The following KCNH8 variants were observed in gnomAD, a reference collection of about 807,000 sequenced individuals.
KCNH8 encodes the protein voltage-gated delayed rectifier potassium channel KCNH8.
Under a neutral mutation model 103.6 loss-of-function variants are expected in KCNH8, and 70 were observed. The observed-to-expected ratio is 0.68, with a 90% CI of 0.56 to 0.82. The LOEUF (loss-of-function observed/expected upper bound fraction) is 0.82. KCNH8 is among the 40% of genes least tolerant of loss of function. KCNH8 has a pLI of 0.00. For missense variants in KCNH8, 1,217 were observed against 1,329.9 expected (o/e 0.92, Z 1.32); for synonymous variants, 498 against 489.4 (o/e 1.02, Z -0.23).
chr3:19,506,265 T>C (rs1187331039), intron 11 of KCNH8, among the ~76,000 whole-genome samples: 1 of 152,186 alleles, frequency 6.6e-6, no homozygotes, highest in Admixed American at 6.5e-5. Flanking sequence ...TTACGCTGGT[T>C]CTTTCTCATC....
At chr3:19,296,256 G>C (rs1350953920) in intron 3 of KCNH8, among the ~76,000 whole-genome samples, 2 of 152,134 alleles carry the variant, frequency 1.3e-5, no homozygotes, top group Admixed American at 1.3e-4. Flanking sequence ...GAGTTCATGA[G>C]AAAAATACCT....
At chr3:19,248,912 A>G (rs567451770) in intron 1 of KCNH8, among the ~76,000 whole-genome samples, 17 of 152,348 alleles carry the variant, frequency 1.1e-4, no homozygotes, top group South Asian at 1.0e-3. Context: ...GGTGTTTACC[A>G]ATCATGAGAT....
intron 11 of KCNH8, among the ~76,000 whole-genome samples, chr3:19,467,685 C>A (rs775619090): frequency 7.2e-5 from 11 of 152,160 alleles, no homozygotes; most frequent in Non-Finnish European, 1.0e-4. Context: ...TTCTCCCTGC[C>A]TCCACTTGTA....
chr3:19,486,173 G>A (rs376765257), intron 11 of KCNH8, among the ~76,000 whole-genome samples: 36 of 152,314 alleles, frequency 2.4e-4, no homozygotes, highest in African/African-American at 8.7e-4. Flanking sequence ...AGATGCCCAT[G>A]GCTGGTCCTG....
rs28508347 is a variant in KCNH8 at position 19,158,163 on chromosome 3, C to T, written c.76+9368C>T. On this transcript the variant is annotated intron_variant, in intron 1 of 15. Coordinates refer to ENST00000328405, the MANE Select transcript of KCNH8 (RefSeq NM_144633.3). ...TAACTTTTACTTTCAAATTCCTATC[C>T]TAAGAGTTTATAGACTTAAGAATTG... Among the ~76,000 whole-genome samples the T allele has an allele frequency of 7.8e-3, 1,179 of 151,386 alleles. 10 individuals carry two copies. Among genetic ancestry groups the T allele is most frequent in the African/African-American group, 0.027 (1,116 of 41,442 alleles).
intron 11 of KCNH8, among the ~76,000 whole-genome samples, chr3:19,504,493 AAAC>A (rs2068652951): frequency 6.6e-6 from 1 of 152,170 alleles, no homozygotes; most frequent in Non-Finnish European, 1.5e-5. Context: ...AGCAAAACAC[AAAC>A]AACTCCACTA....
intron 7 of KCNH8, among the ~76,000 whole-genome samples, chr3:19,436,257 T>C (rs754349199): frequency 3.3e-5 from 5 of 152,184 alleles, no homozygotes; most frequent in Non-Finnish European, 7.4e-5. Flanking sequence ...ATGTTGTGTA[T>C]GTTTTTTCAT....
intron 3 of KCNH8, among the ~76,000 whole-genome samples, chr3:19,298,766 T>C (rs947975159): frequency 2.0e-5 from 3 of 150,854 alleles, no homozygotes; most frequent in Admixed American, 2.0e-4. Context: ...ACTAAAAATA[T>C]AAAAAATTAG....
At chr3:19,365,499 C>G (rs768329787) in intron 5 of KCNH8, among the ~76,000 whole-genome samples, 1 of 151,726 alleles carries the variant, frequency 6.6e-6, no homozygotes, top group Non-Finnish European at 1.5e-5. Flanking sequence ...TTTATATAAC[C>G]GCATCTTAAT....
chr3:19,455,189 G>A (rs560698392), intron 10 of KCNH8, among the ~76,000 whole-genome samples: 1 of 152,210 alleles, frequency 6.6e-6, no homozygotes, highest in Non-Finnish European at 1.5e-5. Flanking sequence ...GTAGGGGCAG[G>A]AATTTGTTAT....
chr3:19,334,825 TC>T (rs2065559938), intron 3 of KCNH8, among the ~76,000 whole-genome samples: 1 of 151,884 alleles, frequency 6.6e-6, no homozygotes, highest in East Asian at 1.9e-4. Context: ...GTTTTTCACT[TC>T]TAAATTTAGT....
rs764062199 is a variant in KCNH8, at chr3:19,342,604, T to C, written c.460T>C (p.Ser154Pro). ...TCCCCCAGACAAAGTCAAAGGAAGA[T>C]CAAGAGCAGGGACCCACTTTGACTC... ...DKKEDKVKGR[S>P]RAGTHFDSAR... The change falls in exon 4 of 16, where the codon TCA becomes CCA. Residue 154 changes from serine (S) to proline (P), a missense_variant. Physicochemically the swap from Ser to Pro is moderately conservative, Grantham distance 74. This residue lies in a region of KCNH8 where 244 missense variants were observed against 256.8 expected (regional missense o/e 0.95). Coordinates refer to ENST00000328405, the MANE Select transcript of KCNH8 (RefSeq NM_144633.3). 6.2e-7 allele frequency: 1 copy of C among 1,610,480 alleles called. No homozygotes were observed. The highest frequency in any genetic ancestry group is 8.5e-7 in the Non-Finnish European group (1 of 1,177,596).
rs374921621 is a variant in KCNH8, at chr3:19,347,946, G to A, written c.792G>A (p.Val264=). Residue 264 remains valine, a synonymous_variant, in exon 5 of 16, where the codon GTG becomes GTA. Coordinates refer to ENST00000328405, the MANE Select transcript of KCNH8 (RefSeq NM_144633.3). ...GCACAACCGTCAGTGACATTGCAGT[G>A]GAGATTCTTTTTATTATAGGTAAGA... ...TRSTTVSDIA[V]EILFIIDIIL... 8.1e-6 allele frequency: 13 copies of A among 1,612,796 alleles called. No individual in the cohort carries two copies. In the African/African-American group the frequency reaches 1.6e-4, roughly 20 times the overall value.
chr3:19,255,248 G>C (rs909930323), intron 2 of KCNH8, among the ~76,000 whole-genome samples: 4 of 152,132 alleles, frequency 2.6e-5, no homozygotes, highest in Admixed American at 2.6e-4. Context: ...TTCCAGAGCT[G>C]TGATAAAATA....
chr3:19,524,923 G>T (rs916788735), intron 15 of KCNH8, among the ~76,000 whole-genome samples: 7 of 151,914 alleles, frequency 4.6e-5, no homozygotes, highest in African/African-American at 1.7e-4. Context: ...GTCAGAAGGG[G>T]CCAGAGTAGA....
At chr3:19,279,049 A>C (rs551958795) in intron 2 of KCNH8, among the ~76,000 whole-genome samples, 11 of 152,268 alleles carry the variant, frequency 7.2e-5, no homozygotes, top group African/African-American at 2.6e-4. Flanking sequence ...GGTAATTGAC[A>C]GAGAGGTGCT....
chr3:19,319,188 C>A (rs1022796784), intron 3 of KCNH8, among the ~76,000 whole-genome samples: 3 of 151,736 alleles, frequency 2.0e-5, no homozygotes, highest in African/African-American at 4.8e-5. Context: ...ATCTATTTAT[C>A]TTTGTTTTTG....
chr3:19,245,341 C>T lies in KCNH8; in HGVS notation c.77-8313C>T, dbSNP rs192233562. ...TGTGTCTGTTTTTGTACCAGTACCACGCTGTTTTGGTTACTATAGCCTTAT... is the reference window on the plus strand; with the variant it reads ...TGTGTCTGTTTTTGTACCAGTACCATGCTGTTTTGGTTACTATAGCCTTAT... On this transcript the variant is annotated intron_variant, in intron 1 of 15. Transcript: ENST00000328405. Among the ~76,000 whole-genome samples, 227 of 152,106 alleles carry T rather than the reference C, an allele frequency of 1.5e-3. 3 individuals carry two copies. The highest frequency in any genetic ancestry group is 2.3e-3 in the East Asian group (12 of 5,174).
intron 1 of KCNH8, among the ~76,000 whole-genome samples, chr3:19,248,903 G>C (rs1192468414): frequency 6.6e-6 from 1 of 152,162 alleles, no homozygotes; most frequent in Non-Finnish European, 1.5e-5. Flanking sequence ...AGTGACCTGG[G>C]TGTTTACCAA....
Sources: gnomAD v4.1 joint callset for allele counts (sites outside exome capture counted in the v4.1 genomes callset) on GRCh38, gnomAD v4.1.1 for gene constraint, gnomAD v4.1.1 regional missense constraint, MANE v1.5 for transcripts, NCBI Gene and HGNC (gene_info 2026-07-23, HGNC 2026-07-21) for gene names.